The following PLXNA4 variants were observed in gnomAD, a reference collection of about 807,000 sequenced individuals.
PLXNA4 encodes the protein plexin-A4.
Under a neutral mutation model 191.8 loss-of-function variants are expected in PLXNA4, and 44 were observed. That is an observed-to-expected ratio of 0.23 (90% CI 0.18 to 0.29). PLXNA4 has a LOEUF of 0.29. Ranked by LOEUF, PLXNA4 falls within the 10% of genes least tolerant of loss-of-function variation. PLXNA4 has a pLI of 1.00. For missense variants in PLXNA4, 1,800 were observed against 2,488.8 expected, an observed-to-expected ratio of 0.72 and a Z score of 5.89; for synonymous variants, 1,082 against 1,009.5, an observed-to-expected ratio of 1.07 and a Z score of -1.36.
intron 4 of PLXNA4, among the ~76,000 whole-genome samples, chr7:132,297,543 G>C (rs138788744): frequency 5.9e-5 from 9 of 152,180 alleles, no homozygotes; most frequent in African/African-American, 2.2e-4. Context: ...GTTCTTCTCG[G>C]GTGGGCTCCA....
chr7:132,642,847 C>T (rs1448189224), intron 2 of PLXNA4, among the ~76,000 whole-genome samples: 1 of 152,092 alleles, frequency 6.6e-6, no homozygotes, highest in Non-Finnish European at 1.5e-5. Context: ...ATCTCCAAGA[C>T]AAATTAAGTG....
intron 31 of PLXNA4, 79 bp downstream of exon 31, chr7:132,132,970 C>T: frequency 6.4e-7 from 1 of 1,552,554 alleles, no homozygotes; most frequent in Non-Finnish European, 8.7e-7. Flanking sequence ...GCGATGATCT[C>T]TTATACGGAG....
At chr7:132,524,731 C>G (rs1233153510) in intron 1 of PLXNA4, among the ~76,000 whole-genome samples, 1 of 152,022 alleles carries the variant, frequency 6.6e-6, no homozygotes, top group Non-Finnish European at 1.5e-5. Context: ...CCACGCCCAG[C>G]TAATTTTTTA....
chr7:132,497,122 G>GCACACACACA (rs34913954), intron 2 of PLXNA4, among the ~76,000 whole-genome samples: 5 of 150,186 alleles, frequency 3.3e-5, no homozygotes, highest in African/African-American at 7.3e-5. Flanking sequence ...GTGCACGCAC[G>GCACACACACA]CACACACACA....
intron 2 of PLXNA4, among the ~76,000 whole-genome samples, chr7:132,599,723 T>G (rs1215922073): frequency 6.6e-6 from 1 of 152,106 alleles, no homozygotes; most frequent in Non-Finnish European, 1.5e-5. Context: ...ACAGCTATAT[T>G]GTCTTTCAAT....
intron 1 of PLXNA4, among the ~76,000 whole-genome samples, chr7:132,546,447 G>A (rs1563163802): frequency 6.6e-6 from 1 of 152,186 alleles, no homozygotes; most frequent in Non-Finnish European, 1.5e-5. Context: ...TCCAGAGAAA[G>A]TAGAACTCTG....
At chr7:132,368,793 C>T (rs1804302478) in intron 3 of PLXNA4, among the ~76,000 whole-genome samples, 2 of 152,198 alleles carry the variant, frequency 1.3e-5, no homozygotes, top group African/African-American at 4.8e-5. Flanking sequence ...TCCCAAAGCA[C>T]ATGGTTGCCA....
At chr7:132,647,860 CACAT>C (rs1022725726) in intron 1 of PLXNA4, among the ~76,000 whole-genome samples, 5 of 151,874 alleles carry the variant, frequency 3.3e-5, no homozygotes, top group Admixed American at 6.6e-5. Flanking sequence ...ATCATATACA[CACAT>C]ACACTCACAC....
rs563269626 is a variant in PLXNA4, at chr7:132,270,616, A to G, written c.1503+27475T>C. Among the ~76,000 whole-genome samples, 4 of 152,334 alleles carry G rather than the reference A, an allele frequency of 2.6e-5. No individual in the cohort carries two copies. The South Asian group carries it at 8.3e-4, about 32-fold the overall frequency. On this transcript the variant is annotated intron_variant, in intron 4 of 31. Transcript: ENST00000321063. ...GAGAGCAAGAAGTATTTTAATTGCAATACCTTGTGTTGTATATATGTAATA... is the reference window on the plus strand; with the variant it reads ...GAGAGCAAGAAGTATTTTAATTGCAGTACCTTGTGTTGTATATATGTAATA...
chr7:132,596,141 A>C (rs942425960), intron 2 of PLXNA4, among the ~76,000 whole-genome samples: 1 of 152,034 alleles, frequency 6.6e-6, no homozygotes, highest in African/African-American at 2.4e-5. Context: ...CTTTCATGAC[A>C]CTGACTTTTT....
chr7:132,251,873 C>A (rs909080619), intron 4 of PLXNA4, among the ~76,000 whole-genome samples: 1 of 152,064 alleles, frequency 6.6e-6, no homozygotes, highest in African/African-American at 2.4e-5. Context: ...AAACAAACAT[C>A]TTTTTTCAAA....
intron 13 of PLXNA4, among the ~76,000 whole-genome samples, chr7:132,197,624 C>G (rs1797294122): frequency 6.6e-6 from 1 of 152,140 alleles, no homozygotes; most frequent in South Asian, 2.1e-4. Flanking sequence ...CCTACCAAGA[C>G]TGGATCCTTA....
intron 3 of PLXNA4, among the ~76,000 whole-genome samples, chr7:132,387,974 C>T (rs184863430): frequency 3.3e-5 from 5 of 152,174 alleles, no homozygotes; most frequent in South Asian, 2.1e-4. Context: ...ACCTCCCTCC[C>T]GCGGCATGTC....
At chr7:132,599,109 T>C (rs112516786) in intron 2 of PLXNA4, among the ~76,000 whole-genome samples, 22 of 152,346 alleles carry the variant, frequency 1.4e-4, no homozygotes, top group African/African-American at 4.8e-4. Flanking sequence ...TTTTTTTGGC[T>C]GTTCTTGCCT....
At chr7:132,566,613 A>AG (rs751298961) in intron 1 of PLXNA4, among the ~76,000 whole-genome samples, 7 of 152,150 alleles carry the variant, frequency 4.6e-5, no homozygotes, top group Non-Finnish European at 7.3e-5. Flanking sequence ...AAGCAGTTGG[A>AG]GAAAAAAAAA....
At chr7:132,647,658 C>G (rs1803903165) in intron 1 of PLXNA4, among the ~76,000 whole-genome samples, 1 of 152,012 alleles carries the variant, frequency 6.6e-6, no homozygotes, top group South Asian at 2.1e-4. Flanking sequence ...CTCATACACT[C>G]ACATACACAC....
At chr7:132,162,163 G>T (rs1471834973) in intron 24 of PLXNA4, among the ~76,000 whole-genome samples, 2 of 152,238 alleles carry the variant, frequency 1.3e-5, no homozygotes, top group African/African-American at 4.8e-5. Context: ...CACGCCCTGT[G>T]TGCTGCTGTC....
intron 3 of PLXNA4, among the ~76,000 whole-genome samples, chr7:132,317,795 C>T (rs1304806873): frequency 6.6e-6 from 1 of 152,158 alleles, no homozygotes; most frequent in Non-Finnish European, 1.5e-5. Context: ...TTGTGGAACA[C>T]CAGTTGTAGG....
intron 1 of PLXNA4, among the ~76,000 whole-genome samples, chr7:132,562,194 C>T (rs1225458008): frequency 5.6e-5 from 7 of 124,674 alleles, no homozygotes; most frequent in Admixed American, 1.6e-4. Flanking sequence ...CCTCCTTCTC[C>T]TCCTCCTCCT....
Sources: gnomAD v4.1 joint callset for allele counts (sites outside exome capture counted in the v4.1 genomes callset) on GRCh38, gnomAD v4.1.1 for gene constraint, MANE v1.5 for transcripts, NCBI Gene and HGNC (gene_info 2026-07-23, HGNC 2026-07-21) for gene names.